The following MFSD8 variants were observed in gnomAD, a reference collection of about 807,000 sequenced individuals.
The protein encoded by MFSD8 is major facilitator superfamily domain-containing protein 8.
MFSD8 carries 55 observed loss-of-function variants against 66.4 expected under a neutral mutation model. The ratio of observed to expected loss-of-function variants is 0.83; its 90% CI spans 0.67 to 1.04. MFSD8 has a LOEUF of 1.04. MFSD8 is among the 50% of genes least tolerant of loss of function. MFSD8 has a pLI of 0.00. For missense variants in MFSD8, 550 were observed against 627.6 expected (o/e 0.88, Z 1.32); for synonymous variants, 202 against 212.8 (o/e 0.95, Z 0.44).
intron 2 of MFSD8, among the ~76,000 whole-genome samples, chr4:127,951,279 G>A (rs1201113564): frequency 1.3e-5 from 2 of 152,020 alleles, no homozygotes; most frequent in Non-Finnish European, 2.9e-5. Flanking sequence ...GCCCAGGCTG[G>A]AGTGTAGTGA....
At chr4:127,954,687 A>G (rs1742565143) in intron 2 of MFSD8, among the ~76,000 whole-genome samples, 1 of 152,250 alleles carries the variant, frequency 6.6e-6, no homozygotes, top group African/African-American at 2.4e-5. Flanking sequence ...CACAGGATAC[A>G]TTTAGCACAC....
rs555223502 is a variant in MFSD8 at position 127,939,759 on chromosome 4, G to A, written c.698+94C>T. The stretch of plus-strand genomic sequence containing the variant: ...ACAAACTATAGACATAAAAAACTAC[G>A]TACACTTCATAAGGATAATTATCTT... On this transcript the variant is annotated intron_variant, in intron 6 of 11. Transcript: ENST00000641686. 7.5e-5 allele frequency: 104 copies of A among 1,390,052 alleles called. No homozygotes were observed. The African/African-American group carries it at 9.2e-4, about 12-fold the overall frequency. The allele number at this position is 1,390,052 out of a possible 1,614,324, so 86.1% of individuals were successfully genotyped here.
intron 9 of MFSD8, among the ~76,000 whole-genome samples, chr4:127,928,785 C>T (rs1737631321): frequency 6.6e-6 from 1 of 152,118 alleles, no homozygotes; most frequent in South Asian, 2.1e-4. Context: ...GACACATCTG[C>T]ACTCCCATGT....
At chr4:127,953,472 AAAG>A (rs1417006408) in intron 2 of MFSD8, among the ~76,000 whole-genome samples, 1 of 151,706 alleles carries the variant, frequency 6.6e-6, no homozygotes, top group Non-Finnish European at 1.5e-5. Flanking sequence ...AAAAAAAAAA[AAAG>A]AATAAATTAC....
At chr4:127,951,487 CAA>C (rs1381215035) in intron 2 of MFSD8, among the ~76,000 whole-genome samples, 2 of 152,064 alleles carry the variant, frequency 1.3e-5, no homozygotes, top group African/African-American at 2.4e-5. Context: ...CCTTGCCTCC[CAA>C]AGTGTTGGGA....
At chr4:127,939,604 C>CCAA (rs1491477902) in intron 6 of MFSD8, 4 of 81,118 alleles carry the variant, frequency 4.9e-5, no homozygotes, top group East Asian at 7.6e-4. Context: ...GATCTTGTCT[C>CCAA]AAAAAAAAAA....
chr4:127,943,791 A>G lies in MFSD8; in HGVS notation c.400T>C (p.Tyr134His), dbSNP rs776316095. The G allele has an allele frequency of 6.2e-6, 10 of 1,614,178 alleles. No homozygotes were observed. In the South Asian group the frequency reaches 9.9e-5, roughly 16 times the overall value. ...LHIPASHNKY[Y>H]MLVARGLLGI... is the part of the protein sequence containing the mutation. ...AACAATCCACGAGCAACCAGCATGT[A>G]GTATTTATTATGAGAAGCTGGGATG... is the stretch of plus-strand genomic sequence containing the variant. Residue 134 changes from tyrosine (Y) to histidine (H), a missense_variant, in exon 4 of 12, where the codon TAC becomes CAC. Physicochemically the swap from Tyr to His is moderately conservative, Grantham distance 83. Coordinates refer to ENST00000641686, the MANE Select transcript of MFSD8 (RefSeq NM_001371596.2).
chr4:127,953,986 C>T (rs1288005184), intron 2 of MFSD8, among the ~76,000 whole-genome samples: 1 of 152,074 alleles, frequency 6.6e-6, no homozygotes, highest in Admixed American at 6.5e-5. Context: ...AAATGACCTT[C>T]CTTAATTCCT....
At chr4:127,933,173 T>A in intron 7 of MFSD8, 80 bp from the exon 8 acceptor site, 2 of 1,158,986 alleles carry the variant, frequency 1.7e-6, no homozygotes, top group Non-Finnish European at 2.5e-6. Flanking sequence ...AGAAATTACA[T>A]TGTAGCAAAA....
chr4:127,926,103 G>A (rs1264819969), intron 9 of MFSD8, among the ~76,000 whole-genome samples: 1 of 151,894 alleles, frequency 6.6e-6, no homozygotes, highest in African/African-American at 2.4e-5. Flanking sequence ...GGGGCTAGAG[G>A]AGGGATAGCA....
Position 127,917,847 on chromosome 4 carries a change from A to G in MFSD8, c.*2783T>C, listed in dbSNP as rs1200905205. The stretch of plus-strand genomic sequence containing the variant: ...CTTGTTTATTAGAAAATGAACATTC[A>G]CAATGTAAAGTAGAAATTAAATTAC... On this transcript the variant is annotated 3_prime_UTR_variant, in exon 12 of 12. Coordinates refer to ENST00000641686, the MANE Select transcript of MFSD8 (RefSeq NM_001371596.2). The G allele has an allele frequency of 6.6e-6, 1 of 152,254 alleles. No homozygotes were observed. The highest frequency in any genetic ancestry group is 6.5e-5 in the Admixed American group (1 of 15,286). The allele number at this position is 152,254 out of a possible 1,614,324, so 9.4% of individuals were successfully genotyped here. A position where few individuals can be genotyped will look rare whatever the true frequency, so the allele number is the denominator to read the frequency against.
chr4:127,933,228 T>C, intron 7 of MFSD8, 135 bp from the exon 8 acceptor site: 1 of 673,808 alleles, frequency 1.5e-6, no homozygotes, highest in Non-Finnish European at 2.6e-6. Context: ...TCAAAGTAGT[T>C]TAATAATAAG....
intron 7 of MFSD8, among the ~76,000 whole-genome samples, chr4:127,936,254 C>T (rs1447568126): frequency 1.3e-5 from 2 of 152,016 alleles, no homozygotes; most frequent in African/African-American, 2.4e-5. Context: ...GCTGGGATTA[C>T]AGGCGCCTGC....
intron 7 of MFSD8, among the ~76,000 whole-genome samples, chr4:127,934,187 A>G (rs1300486786): frequency 6.6e-6 from 1 of 152,228 alleles, no homozygotes; most frequent in East Asian, 1.9e-4. Flanking sequence ...GGTTGCAGTG[A>G]GCCAAGATTG....
At chr4:127,963,699 T>C (rs561404750) in intron 1 of MFSD8, among the ~76,000 whole-genome samples, 62 of 152,332 alleles carry the variant, frequency 4.1e-4, no homozygotes, top group Admixed American at 1.2e-3. Context: ...AAAAGCCGTA[T>C]GGTCCCAAAG....
At chr4:127,951,091 T>G (rs1741876554) in intron 2 of MFSD8, among the ~76,000 whole-genome samples, 1 of 151,844 alleles carries the variant, frequency 6.6e-6, no homozygotes, top group South Asian at 2.1e-4. Flanking sequence ...AAAAATAAAT[T>G]TAAAAATAGC....
Position 127,921,788 on chromosome 4 carries a change from AT to A in MFSD8, c.1103-18del. 6.2e-7 allele frequency: 1 copy of A among 1,614,064 alleles called. No individual in the cohort carries two copies. Among genetic ancestry groups the A allele is most frequent in the Non-Finnish European group, 8.5e-7 (1 of 1,179,906 alleles). On this transcript the variant is annotated intron_variant, in intron 10 of 11. Coordinates refer to ENST00000641686, the MANE Select transcript of MFSD8 (RefSeq NM_001371596.2). Reference sequence around the variant, plus strand: ...TGTGCAAATCTGTAAAAACAAAACCATTGCAGTGCATTACTTGTTGATTTTA... The same window carrying A: ...TGTGCAAATCTGTAAAAACAAAACCATGCAGTGCATTACTTGTTGATTTTA...
In MFSD8 at chr4:127,961,820, CAAAAAA is replaced by C. The variant is rs4000711; in HGVS notation, c.62+3246_62+3251del. 3.0e-4 allele frequency among the ~76,000 whole-genome samples: 24 copies of C among 80,564 alleles called. 1 individual carries two copies. The South Asian group carries it at 9.6e-3, about 32-fold the overall frequency. The allele number at this position is 80,564 out of a possible 152,430, so 52.9% of individuals were successfully genotyped here. A position where few individuals can be genotyped will look rare whatever the true frequency, so the allele number is the denominator to read the frequency against. ...TGGGTGACAGAGCGAGACTCCGTCTCAAAAAAAAAAAAAAAAAAAAAGAATTTCTGA... is the reference window on the plus strand; with the variant it reads ...TGGGTGACAGAGCGAGACTCCGTCTCAAAAAAAAAAAAAAAGAATTTCTGA... On this transcript the variant is annotated intron_variant, in intron 1 of 11. Transcript: ENST00000641686.
chr4:127,920,767 G>A lies in MFSD8; in HGVS notation c.1420C>T (p.Gln474Ter), dbSNP rs370663969. 3 of 1,614,030 alleles carry A rather than the reference G, an allele frequency of 1.9e-6. No homozygotes were observed. The highest frequency in any genetic ancestry group is 2.5e-6 in the Non-Finnish European group (3 of 1,180,010). Residue 474 changes from glutamine to a stop codon, truncating the protein, a stop_gained, in exon 12 of 12, where the codon CAA (glutamine) becomes TAA (stop). Transcript: ENST00000641686. LOFTEE classifies it high-confidence loss of function. ...CGTGGTCCCCAGTGAGCATACACTTGGCTGATGAACATAGGCCCAAGAATC... is the reference window on the plus strand; with the variant it reads ...CGTGGTCCCCAGTGAGCATACACTTAGCTGATGAACATAGGCCCAAGAATC... ...ARILGPMFISQVYAHWGPRWA... is the reference protein window; with the variant it reads ...ARILGPMFIS
Sources: gnomAD v4.1 joint callset for allele counts (sites outside exome capture counted in the v4.1 genomes callset) on GRCh38, gnomAD v4.1.1 for gene constraint, MANE v1.5 for transcripts, NCBI Gene and HGNC (gene_info 2026-07-23, HGNC 2026-07-21) for gene names.